MGLL: variants seen among roughly 807,000 people sequenced by gnomAD.
The protein encoded by MGLL is monoglyceride lipase.
MGLL carries 7 observed loss-of-function variants against 29.1 expected under a neutral mutation model. The ratio of observed to expected loss-of-function variants is 0.24; its 90% CI spans 0.14 to 0.45. The LOEUF is 0.45. Among genes scored for constraint, MGLL ranks in the 20% least tolerant of loss-of-function variants. The pLI, the probability that MGLL is intolerant of heterozygous loss-of-function variation, is 0.99. For synonymous variants in MGLL, 148 were observed against 168.3 expected (o/e 0.88, Z 0.93); for missense variants, 356 against 413.6 (o/e 0.86, Z 1.21).
At chr3:127,808,324 T>C (rs1467050058) in intron 2 of MGLL, among the ~76,000 whole-genome samples, 1 of 152,200 alleles carries the variant, frequency 6.6e-6, no homozygotes, top group Non-Finnish European at 1.5e-5. Context: ...TTAAGGTAGA[T>C]TCCATTCTTG....
chr3:127,795,467 T>C (rs2077368278), intron 2 of MGLL, among the ~76,000 whole-genome samples: 1 of 152,134 alleles, frequency 6.6e-6, no homozygotes, highest in Non-Finnish European at 1.5e-5. Flanking sequence ...ACCTGGGTGA[T>C]GGGATCAGTC....
intron 3 of MGLL, among the ~76,000 whole-genome samples, chr3:127,772,257 T>C (rs543159113): frequency 1.3e-5 from 2 of 152,358 alleles, no homozygotes; most frequent in Admixed American, 1.3e-4. Context: ...CTCGTCTGTC[T>C]GGTTCCAGAG....
At chr3:127,699,157 G>A (rs1216239746) in intron 6 of MGLL, among the ~76,000 whole-genome samples, 1 of 152,258 alleles carries the variant, frequency 6.6e-6, no homozygotes, top group African/African-American at 2.4e-5. Context: ...AGTTTCACAA[G>A]CTGGCCTCCT....
At chr3:127,727,704 T>TA (rs1177079179) in intron 3 of MGLL, among the ~76,000 whole-genome samples, 3,074 of 80,672 alleles carry the variant, frequency 0.038, 138 homozygotes, top group Middle Eastern at 0.079. Context: ...AGAGCAAGGC[T>TA]AAAAAAAAAA....
Position 127,710,583 on chromosome 3 carries a change from T to A in MGLL, c.593A>T (p.Lys198Met). 1 of 1,559,636 alleles carries A rather than the reference T, an allele frequency of 6.4e-7. No individual in the cohort carries two copies. The highest frequency in any genetic ancestry group is 1.2e-5 in the South Asian group (1 of 84,648). ...TTTCGGAAAGCCTCTCACCTCTGTC[T>A]TATTCCGAGAGAGCACGCTGGAGTC... is the stretch of plus-strand genomic sequence containing the variant. ...PIDSSVLSRN[K>M]TEVDIYNSDP... Residue 198 changes from lysine to methionine, a missense_variant, in exon 6 of 8, where the codon AAG becomes ATG. Coordinates refer to ENST00000265052, the MANE Select transcript of MGLL (RefSeq NM_007283.7).
intron 2 of MGLL, among the ~76,000 whole-genome samples, chr3:127,785,043 G>T (rs983900113): frequency 7.9e-5 from 12 of 152,110 alleles, no homozygotes; most frequent in African/African-American, 2.9e-4. Flanking sequence ...AACTGGGGGT[G>T]GGGGTGGTCC....
At chr3:127,701,238 C>T (rs1242261493) in intron 6 of MGLL, among the ~76,000 whole-genome samples, 1 of 79,928 alleles carries the variant, frequency 1.3e-5, no homozygotes, top group East Asian at 4.2e-4. Flanking sequence ...AAAAAAGCCA[C>T]CACCAACAAC....
chr3:127,726,798 T>C (rs185712600), intron 3 of MGLL, among the ~76,000 whole-genome samples: 79 of 152,330 alleles, frequency 5.2e-4, no homozygotes, highest in African/African-American at 1.8e-3. Context: ...ATAAAAAGTG[T>C]TATAAAAATA....
intron 5 of MGLL, chr3:127,716,044 G>A (rs1485000034): frequency 8.6e-6 from 3 of 347,734 alleles, no homozygotes; most frequent in South Asian, 6.5e-5. Context: ...GTGAAACCAG[G>A]TTTGTGTAAC....
intron 3 of MGLL, among the ~76,000 whole-genome samples, chr3:127,751,068 T>C (rs1187679299): frequency 2.0e-5 from 3 of 152,108 alleles, no homozygotes; most frequent in Non-Finnish European, 2.9e-5. Context: ...GATTACAGCC[T>C]CAAGACAATC....
intron 2 of MGLL, among the ~76,000 whole-genome samples, chr3:127,790,629 G>C (rs1559972404): frequency 6.6e-6 from 1 of 152,128 alleles, no homozygotes; most frequent in Non-Finnish European, 1.5e-5. Context: ...AGCGTATTTT[G>C]TGAAGCCACT....
chr3:127,820,199 A>C (rs1304385950), intron 2 of MGLL, among the ~76,000 whole-genome samples: 1 of 152,200 alleles, frequency 6.6e-6, no homozygotes, highest in African/African-American at 2.4e-5. Flanking sequence ...GCGGACGCTG[A>C]CATCCAAGAG....
chr3:127,785,562 C>G (rs929046730), intron 2 of MGLL, among the ~76,000 whole-genome samples: 2 of 152,364 alleles, frequency 1.3e-5, no homozygotes, highest in East Asian at 3.9e-4. Flanking sequence ...AGGCTGTGAA[C>G]AGAGAGCAAA....
intron 5 of MGLL, among the ~76,000 whole-genome samples, chr3:127,715,270 C>A (rs2075792635): frequency 6.6e-6 from 1 of 152,196 alleles, no homozygotes; most frequent in Non-Finnish European, 1.5e-5. Flanking sequence ...GTGTACACGT[C>A]CCTGCAGGGC....
intron 3 of MGLL, among the ~76,000 whole-genome samples, chr3:127,773,229 G>A (rs367789622): frequency 2.0e-5 from 3 of 152,360 alleles, no homozygotes; most frequent in African/African-American, 4.8e-5. Flanking sequence ...TTAGAGGCCA[G>A]GGTCCCCCGA....
At chr3:127,716,071 A>G (rs2075809484) in intron 5 of MGLL, 2 of 337,156 alleles carry the variant, frequency 5.9e-6, no homozygotes, top group Non-Finnish European at 5.9e-6. Flanking sequence ...GCTCCCAATT[A>G]TGCCAGCTCA....
chr3:127,803,014 C>T (rs906431826), intron 2 of MGLL, among the ~76,000 whole-genome samples: 1 of 151,804 alleles, frequency 6.6e-6, no homozygotes, highest in African/African-American at 2.4e-5. Flanking sequence ...GAGTCTTGCT[C>T]TGTCACCCAG....
At chr3:127,774,774 C>G (rs889538922) in intron 3 of MGLL, among the ~76,000 whole-genome samples, 3 of 152,170 alleles carry the variant, frequency 2.0e-5, no homozygotes, top group Admixed American at 6.5e-5. Context: ...TTGGGCCCCA[C>G]AGCAGACCAA....
intron 3 of MGLL, chr3:127,736,161 C>A: frequency 9.3e-7 from 1 of 1,069,614 alleles, no homozygotes; most frequent in East Asian, 6.2e-5. Flanking sequence ...ACCTGGCAAC[C>A]CAAGTTTCAC....
Sources: gnomAD v4.1 joint callset for allele counts (sites outside exome capture counted in the v4.1 genomes callset) on GRCh38, gnomAD v4.1.1 for gene constraint, MANE v1.5 for transcripts, NCBI Gene and HGNC (gene_info 2026-07-23, HGNC 2026-07-21) for gene names.